The following PCSK2 variants were observed in gnomAD, a reference collection of about 807,000 sequenced individuals.
The protein encoded by PCSK2 is neuroendocrine convertase 2.
A neutral mutation model predicts 69.7 loss-of-function variants in PCSK2; 14 were observed. That is an observed-to-expected ratio of 0.20 (90% CI 0.13 to 0.31). PCSK2 has a LOEUF of 0.31. Ranked by LOEUF, PCSK2 falls within the 10% of genes least tolerant of loss-of-function variation. The pLI is 1.00. For missense variants in PCSK2, 544 were observed against 842.5 expected (o/e 0.65, Z 4.39); for synonymous variants, 307 against 320.7 (o/e 0.96, Z 0.46).
At chr20:17,241,561 C>A (rs899543376) in intron 1 of PCSK2, among the ~76,000 whole-genome samples, 2 of 152,152 alleles carry the variant, frequency 1.3e-5, no homozygotes, top group Non-Finnish European at 2.9e-5. Context: ...CAACAAGTAG[C>A]ACATCATTTA....
chr20:17,314,696 T>C (rs1330614627), intron 2 of PCSK2, among the ~76,000 whole-genome samples: 1 of 152,214 alleles, frequency 6.6e-6, no homozygotes, highest in Non-Finnish European at 1.5e-5. Context: ...TAAAATTACA[T>C]CTCTAGTAGG....
At chr20:17,472,820 G>A (rs922077968) in intron 11 of PCSK2, among the ~76,000 whole-genome samples, 2 of 152,104 alleles carry the variant, frequency 1.3e-5, no homozygotes, top group Non-Finnish European at 2.9e-5. Context: ...GCCTGCCTTG[G>A]CCTCCCAAAG....
At chr20:17,237,374 G>A (rs139455598) in intron 1 of PCSK2, among the ~76,000 whole-genome samples, 32 of 152,344 alleles carry the variant, frequency 2.1e-4, no homozygotes, top group African/African-American at 7.7e-4. Flanking sequence ...CAAGAAATAG[G>A]ATTGTCAAGG....
intron 6 of PCSK2, among the ~76,000 whole-genome samples, chr20:17,422,923 C>T (rs541292652): frequency 6.6e-6 from 1 of 152,190 alleles, no homozygotes; most frequent in African/African-American, 2.4e-5. Context: ...TAACTATGCA[C>T]ATGGGGAGAA....
At chr20:17,306,316 A>T (rs1398827848) in intron 2 of PCSK2, among the ~76,000 whole-genome samples, 1 of 152,090 alleles carries the variant, frequency 6.6e-6, no homozygotes, top group Admixed American at 6.6e-5. Flanking sequence ...CAATTAAATT[A>T]TGCCCCCCCA....
At chr20:17,273,376 T>C (rs1020840774) in intron 2 of PCSK2, among the ~76,000 whole-genome samples, 3 of 152,146 alleles carry the variant, frequency 2.0e-5, no homozygotes, top group African/African-American at 7.2e-5. Flanking sequence ...TGACTGGAAA[T>C]AAATTGCCTT....
chr20:17,400,162 T>C (rs2031602715), intron 5 of PCSK2, among the ~76,000 whole-genome samples: 1 of 152,264 alleles, frequency 6.6e-6, no homozygotes, highest in Non-Finnish European at 1.5e-5. Flanking sequence ...TAGCTAAATG[T>C]ATATACTTGG....
intron 6 of PCSK2, among the ~76,000 whole-genome samples, chr20:17,419,039 G>A (rs1361478379): frequency 6.6e-6 from 1 of 152,226 alleles, no homozygotes; most frequent in East Asian, 1.9e-4. Context: ...GACACTCAAA[G>A]AAGTAAAATG....
At chr20:17,437,214 C>T (rs1289806355) in intron 8 of PCSK2, among the ~76,000 whole-genome samples, 1 of 152,206 alleles carries the variant, frequency 6.6e-6, no homozygotes, top group Non-Finnish European at 1.5e-5. Flanking sequence ...TGCACTGGCA[C>T]CCCCACCACC....
At chr20:17,250,605 T>C (rs1986937996) in intron 1 of PCSK2, among the ~76,000 whole-genome samples, 1 of 152,226 alleles carries the variant, frequency 6.6e-6, no homozygotes. Context: ...ATTTTCTGAA[T>C]GATGATATTC....
intron 8 of PCSK2, among the ~76,000 whole-genome samples, chr20:17,447,586 A>G (rs1319364536): frequency 7.0e-6 from 1 of 143,378 alleles, no homozygotes; most frequent in Admixed American, 7.0e-5. Flanking sequence ...AATATGGCAG[A>G]TGGACTAAGA....
At chr20:17,340,176 C>T (rs773943241) in intron 2 of PCSK2, among the ~76,000 whole-genome samples, 2 of 152,202 alleles carry the variant, frequency 1.3e-5, no homozygotes, top group Admixed American at 6.5e-5. Flanking sequence ...AACACACAGG[C>T]GGCATGGAGG....
At chr20:17,258,761 AGTGTGTGTGT>A (rs11467589) in intron 1 of PCSK2, among the ~76,000 whole-genome samples, 7 of 145,006 alleles carry the variant, frequency 4.8e-5, no homozygotes, top group South Asian at 2.3e-4. Context: ...CATAATATGT[AGTGTGTGTGT>A]GTGTGTGTGT....
intron 2 of PCSK2, among the ~76,000 whole-genome samples, chr20:17,355,241 G>A (rs2030152895): frequency 6.6e-6 from 1 of 152,202 alleles, no homozygotes; most frequent in Non-Finnish European, 1.5e-5. Flanking sequence ...ATTTATAAAG[G>A]TGAAATCTGA....
At chr20:17,454,795 G>A (rs1400819458) in intron 9 of PCSK2, among the ~76,000 whole-genome samples, 1 of 152,166 alleles carries the variant, frequency 6.6e-6, no homozygotes, top group African/African-American at 2.4e-5. Context: ...AGGAGGACAG[G>A]AGCTCAGGAC....
Position 17,436,769 on chromosome 20 carries a change from T to C in PCSK2, c.771T>C (p.His257=), listed in dbSNP as rs577064639. The C allele has an allele frequency of 5.0e-6, 8 of 1,613,938 alleles. No individual in the cohort carries two copies. Among genetic ancestry groups the C allele is most frequent in the Non-Finnish European group, 6.8e-6 (8 of 1,179,996 alleles). The part of the protein sequence containing the change: ...TDIIEASSIS[H]MPQLIDIYSA... Reference sequence around the variant, plus strand: ...TCATCGAGGCCTCCTCCATCAGTCATATGCCACAGCTGATTGACATCTACA... The same window carrying C: ...TCATCGAGGCCTCCTCCATCAGTCACATGCCACAGCTGATTGACATCTACA... Residue 257 remains histidine, a synonymous_variant, in exon 8 of 12, where the codon CAT becomes CAC. Coordinates refer to ENST00000262545, the MANE Select transcript of PCSK2 (RefSeq NM_002594.5).
At chr20:17,227,958 C>T (rs1276000612) in intron 1 of PCSK2, among the ~76,000 whole-genome samples, 3 of 152,148 alleles carry the variant, frequency 2.0e-5, no homozygotes, top group African/African-American at 7.2e-5. Context: ...TCCCACCCCG[C>T]GCCGGGAGGA....
At chr20:17,475,154 G>C (rs6136110) in intron 11 of PCSK2, among the ~76,000 whole-genome samples, 19,088 of 151,414 alleles carry the variant, frequency 0.13, 1,159 homozygotes, top group East Asian at 0.15. Context: ...TGACCCACCG[G>C]GGGCTTTGGA....
At chr20:17,480,170 C>A (rs1249294482) in intron 11 of PCSK2, among the ~76,000 whole-genome samples, 1 of 144,720 alleles carries the variant, frequency 6.9e-6, no homozygotes, top group East Asian at 2.1e-4. Flanking sequence ...TTAATTTACC[C>A]ATTTTCAGCT....
Sources: allele counts gnomAD v4.1 joint callset (sites outside exome capture counted in the v4.1 genomes callset), GRCh38; gene constraint gnomAD v4.1.1; transcripts MANE v1.5; gene names NCBI Gene and HGNC (gene_info 2026-07-23, HGNC 2026-07-21).